ADGRL3: variants seen among roughly 807,000 people sequenced by gnomAD.
The protein encoded by ADGRL3 is calcium-independent alpha-latrotoxin receptor 3.
In ADGRL3, 62 loss-of-function variants were observed where a neutral mutation model predicts 153.5. The observed-to-expected ratio is 0.40, with a 90% CI of 0.33 to 0.50. The LOEUF (loss-of-function observed/expected upper bound fraction) is 0.50. ADGRL3 is among the 20% of genes least tolerant of loss of function. The pLI, the probability that ADGRL3 is intolerant of heterozygous loss-of-function variation, is 0.47. For missense variants in ADGRL3, 1,641 were observed against 1,859.4 expected, an observed-to-expected ratio of 0.88 and a Z score of 2.16; for synonymous variants, 710 against 672.5, an observed-to-expected ratio of 1.06 and a Z score of -0.86.
chr4:61,847,634 T>A (rs11728318), intron 9 of ADGRL3, among the ~76,000 whole-genome samples: 2 of 42,560 alleles, frequency 4.7e-5, no homozygotes, highest in East Asian at 1.1e-3. Context: ...ATAAAATATA[T>A]TATATATATA....
chr4:61,827,639 G>A (rs1016464430), intron 9 of ADGRL3, among the ~76,000 whole-genome samples: 2 of 152,182 alleles, frequency 1.3e-5, no homozygotes, highest in Non-Finnish European at 2.9e-5. Flanking sequence ...CTAAAAGACA[G>A]TAGCAATGGA....
intron 5 of ADGRL3, among the ~76,000 whole-genome samples, chr4:61,643,101 G>T (rs2093769726): frequency 6.6e-6 from 1 of 152,102 alleles, no homozygotes; most frequent in African/African-American, 2.4e-5. Flanking sequence ...TCTGTTATTG[G>T]TGTATAAGAA....
At chr4:61,740,988 T>C (rs1302552733) in intron 8 of ADGRL3, among the ~76,000 whole-genome samples, 4 of 152,210 alleles carry the variant, frequency 2.6e-5, no homozygotes, top group Non-Finnish European at 1.5e-5. Flanking sequence ...GCAAATTAAG[T>C]GCATTTGTAT....
chr4:61,982,781 T>A (rs1001064606), intron 18 of ADGRL3, among the ~76,000 whole-genome samples: 1 of 152,192 alleles, frequency 6.6e-6, no homozygotes, highest in Non-Finnish European at 1.5e-5. Flanking sequence ...CAGATCCATT[T>A]TTATTCATGT....
chr4:61,639,516 A>C (rs1343429753), intron 5 of ADGRL3, among the ~76,000 whole-genome samples: 1 of 152,144 alleles, frequency 6.6e-6, no homozygotes. Context: ...TTCAACAGTT[A>C]CACTCGCAGA....
chr4:61,869,078 G>T (rs1408859634), intron 9 of ADGRL3, among the ~76,000 whole-genome samples: 1 of 152,090 alleles, frequency 6.6e-6, no homozygotes, highest in African/African-American at 2.4e-5. Flanking sequence ...GAGTAGCTGG[G>T]ACTACAGGCA....
chr4:61,938,050 C>A (rs2098846522), intron 15 of ADGRL3, among the ~76,000 whole-genome samples: 1 of 152,076 alleles, frequency 6.6e-6, no homozygotes. Context: ...AGTCATCACA[C>A]CCAGCCTGTT....
At chr4:61,871,078 A>G (rs371152612) in intron 9 of ADGRL3, among the ~76,000 whole-genome samples, 2 of 152,034 alleles carry the variant, frequency 1.3e-5, no homozygotes, top group East Asian at 1.9e-4. Context: ...GGAGATCGAG[A>G]CCATCCTGGC....
At chr4:61,768,115 C>A (rs2097024520) in intron 8 of ADGRL3, among the ~76,000 whole-genome samples, 1 of 152,082 alleles carries the variant, frequency 6.6e-6, no homozygotes, top group African/African-American at 2.4e-5. Flanking sequence ...GAAAAAGAGC[C>A]TAAACGCTAT....
chr4:61,900,429 C>G (rs1303925257), intron 11 of ADGRL3, among the ~76,000 whole-genome samples: 1 of 152,012 alleles, frequency 6.6e-6, no homozygotes, highest in African/African-American at 2.4e-5. Context: ...CTGTGTGACA[C>G]TAAAGAGTGG....
chr4:61,892,685 G>A lies in ADGRL3; in HGVS notation c.1510G>A (p.Gly504Arg). The A allele has an allele frequency of 6.2e-7, 1 of 1,613,842 alleles. No homozygotes were observed. Among genetic ancestry groups the A allele is most frequent in the South Asian group, 1.1e-5 (1 of 91,058 alleles). ...DISTTGPLGM[G>R]STTTSTTLRT... The stretch of plus-strand genomic sequence containing the variant: ...CTCTACCACAGGACCTCTTGGCATG[G>A]GAAGCACTACCACCAGTACCACCCT... Residue 504 changes from glycine (G) to arginine (R), a missense_variant, in exon 10 of 27, where the codon GGA becomes AGA. By Grantham distance (125) the Gly-to-Arg change is moderately radical. Around this residue, in one of 5 missense-constraint regions of ADGRL3, gnomAD observed 734 missense variants for 797.0 expected, o/e 0.92. Transcript: ENST00000683033.
chr4:61,546,445 A>G (rs1280695061), intron 4 of ADGRL3, among the ~76,000 whole-genome samples: 1 of 152,212 alleles, frequency 6.6e-6, no homozygotes, highest in African/African-American at 2.4e-5. Flanking sequence ...ATAGACTGCA[A>G]TATAAGGAAA....
At chr4:61,357,702 T>A (rs1202253869) in intron 1 of ADGRL3, among the ~76,000 whole-genome samples, 1 of 152,166 alleles carries the variant, frequency 6.6e-6, no homozygotes, top group Non-Finnish European at 1.5e-5. Flanking sequence ...AAAATACATA[T>A]ATGTAAATTT....
intron 17 of ADGRL3, among the ~76,000 whole-genome samples, chr4:61,960,338 A>C (rs1581642991): frequency 6.6e-6 from 1 of 152,302 alleles, no homozygotes; most frequent in East Asian, 1.9e-4. Flanking sequence ...GAGGGAACAA[A>C]AACAAGACCC....
In ADGRL3 at chr4:61,628,645, A is replaced by G. The variant is rs993624092; in HGVS notation, c.473+41205A>G. On this transcript the variant is annotated intron_variant, in intron 5 of 26. Coordinates refer to ENST00000683033, the MANE Select transcript of ADGRL3 (RefSeq NM_001387552.1). ...CTGGTATGGTTTCCTAGCATGGAAG[A>G]TGGTTGGTTCTTTTCTCCTGCAGAA... Among the ~76,000 whole-genome samples the G allele has an allele frequency of 2.6e-5, 4 of 152,222 alleles. No homozygotes were observed. In the South Asian group the frequency reaches 8.3e-4, roughly 32 times the overall value.
chr4:61,429,739 G>T (rs567711043), intron 2 of ADGRL3, among the ~76,000 whole-genome samples: 2 of 152,170 alleles, frequency 1.3e-5, no homozygotes, highest in South Asian at 4.1e-4. Context: ...AGACTCTAAA[G>T]TTATTATAAA....
chr4:61,856,946 T>C (rs1442932247), intron 9 of ADGRL3, among the ~76,000 whole-genome samples: 3 of 121,820 alleles, frequency 2.5e-5, no homozygotes, highest in Non-Finnish European at 5.2e-5. Context: ...CCCTCTTTCT[T>C]CTTCTCTTTC....
chr4:61,790,342 T>A (rs900043543), intron 8 of ADGRL3, among the ~76,000 whole-genome samples: 5 of 152,214 alleles, frequency 3.3e-5, no homozygotes, highest in African/African-American at 7.2e-5. Flanking sequence ...CATTCATTTA[T>A]GTATAGTAGG....
At chr4:61,283,198 T>G (rs563416411) in intron 1 of ADGRL3, among the ~76,000 whole-genome samples, 60 of 152,198 alleles carry the variant, frequency 3.9e-4, no homozygotes, top group African/African-American at 1.4e-3. Flanking sequence ...ACACACTGCT[T>G]GTAATTTAGA....
Sources: gnomAD v4.1 joint callset for allele counts (sites outside exome capture counted in the v4.1 genomes callset) on GRCh38, gnomAD v4.1.1 for gene constraint, gnomAD v4.1.1 regional missense constraint, MANE v1.5 for transcripts, NCBI Gene and HGNC (gene_info 2026-07-23, HGNC 2026-07-21) for gene names.